The following MAF variants were observed in gnomAD, a reference collection of about 807,000 sequenced individuals.
MAF encodes MAF bZIP transcription factor.
MAF carries 10 observed loss-of-function variants against 22.0 expected under a neutral mutation model. The ratio of observed to expected loss-of-function variants is 0.45; its 90% confidence interval spans 0.28 to 0.77. MAF has a LOEUF of 0.77. Ranked by LOEUF, MAF falls within the 30% of genes least tolerant of loss-of-function variation. The pLI, the probability that MAF is intolerant of heterozygous loss-of-function variation, is 0.12. For missense variants in MAF, 544 were observed against 548.4 expected (o/e 0.99, Z 0.08); for synonymous variants, 337 against 255.8 (o/e 1.32, Z -3.03).
chr16:79,219,007 A>T, the MAF span, among the ~76,000 whole-genome samples: 1 of 152,324 alleles, frequency 6.6e-6, no homozygotes, highest in East Asian at 1.9e-4. Context: ...CAGCTGATGC[A>T]CCGTCTGCTT....
the MAF span, among the ~76,000 whole-genome samples, chr16:79,348,584 G>A: frequency 2.0e-5 from 3 of 152,194 alleles, no homozygotes; most frequent in Non-Finnish European, 4.4e-5. Context: ...AGGTAACTGA[G>A]AATTACTCTT....
the MAF span, among the ~76,000 whole-genome samples, chr16:79,246,426 C>T: frequency 1.3e-5 from 2 of 151,522 alleles, no homozygotes; most frequent in African/African-American, 4.9e-5. Context: ...ATTTCATGGG[C>T]CTTGATTCTG....
chr16:79,576,080 C>T, the MAF span, among the ~76,000 whole-genome samples: 2 of 152,072 alleles, frequency 1.3e-5, no homozygotes, highest in Non-Finnish European at 2.9e-5. Flanking sequence ...GGGTTACCCT[C>T]ATAAGGTTTT....
At chr16:79,584,447 T>C (rs749691126), downstream of MAF, among the ~76,000 whole-genome samples, 13 of 152,220 alleles carry the variant, frequency 8.5e-5, no homozygotes, top group Non-Finnish European at 1.6e-4. Flanking sequence ...TCTTCCTTGC[T>C]CTCACCTGTC....
the MAF span, among the ~76,000 whole-genome samples, chr16:79,535,074 G>A: frequency 5.3e-5 from 8 of 152,216 alleles, no homozygotes; most frequent in East Asian, 1.2e-3. Context: ...GACTTACTTA[G>A]GACAAAGTCA....
the MAF span, among the ~76,000 whole-genome samples, chr16:79,432,640 G>A: frequency 3.3e-5 from 5 of 152,146 alleles, no homozygotes; most frequent in African/African-American, 9.7e-5. Context: ...TTGGAAATAG[G>A]ACCTAGGATC....
chr16:79,582,325 A>T (rs900762968), downstream of MAF, among the ~76,000 whole-genome samples: 1 of 152,234 alleles, frequency 6.6e-6, no homozygotes, highest in South Asian at 2.1e-4. Context: ...GTGTGCTTTT[A>T]GAATGAAAGC....
chr16:79,280,627 T>C, the MAF span, among the ~76,000 whole-genome samples: 2 of 152,128 alleles, frequency 1.3e-5, no homozygotes, highest in Non-Finnish European at 2.9e-5. Flanking sequence ...AATAGATATT[T>C]CTTCTCTCTG....
chr16:79,543,194 GAT>G, the MAF span, among the ~76,000 whole-genome samples: 1 of 152,184 alleles, frequency 6.6e-6, no homozygotes, highest in East Asian at 1.9e-4. Context: ...CATTTAAAAG[GAT>G]AAGAGACAAA....
the MAF span, among the ~76,000 whole-genome samples, chr16:79,254,978 AGTAAAGCT>A: frequency 6.6e-6 from 1 of 152,302 alleles, no homozygotes; most frequent in Admixed American, 6.5e-5. Context: ...TGTGTTGCAA[AGTAAAGCT>A]GTAATATTTC....
the MAF span, among the ~76,000 whole-genome samples, chr16:79,229,970 C>G: frequency 6.6e-6 from 1 of 151,684 alleles, no homozygotes; most frequent in African/African-American, 2.4e-5. Context: ...TCAAAAGGGA[C>G]TCTTATCAAT....
At chr16:79,300,429 C>A in the MAF span, among the ~76,000 whole-genome samples, 1 of 152,106 alleles carries the variant, frequency 6.6e-6, no homozygotes, top group African/African-American at 2.4e-5. Context: ...GTGGTGCACA[C>A]ATGTAGTCCC....
chr16:79,485,026 A>T, the MAF span, among the ~76,000 whole-genome samples: 4 of 152,206 alleles, frequency 2.6e-5, no homozygotes, highest in African/African-American at 9.6e-5. Flanking sequence ...AAAAATGGAC[A>T]TCATGCTTCT....
the MAF span, among the ~76,000 whole-genome samples, chr16:79,556,911 G>C: frequency 1.3e-5 from 2 of 151,888 alleles, no homozygotes; most frequent in Admixed American, 1.3e-4. Flanking sequence ...TGATCAATAA[G>C]TACCAGCTTT....
chr16:79,576,646 C>G, the MAF span, among the ~76,000 whole-genome samples: 1 of 152,010 alleles, frequency 6.6e-6, no homozygotes, highest in African/African-American at 2.4e-5. Flanking sequence ...AGGGAAACGT[C>G]CAATATCATA....
At chr16:79,445,209 ATT>A in the MAF span, among the ~76,000 whole-genome samples, 66,727 of 145,094 alleles carry the variant, frequency 0.46, 17,389 homozygotes, top group Non-Finnish European at 0.58. Context: ...AATTTTTTGT[ATT>A]TTTTTTTTTT....
At chr16:79,321,329 G>T in the MAF span, among the ~76,000 whole-genome samples, 1 of 152,184 alleles carries the variant, frequency 6.6e-6, no homozygotes, top group Non-Finnish European at 1.5e-5. Context: ...TAGGGGAACC[G>T]CAAATACAAG....
the MAF span, among the ~76,000 whole-genome samples, chr16:79,251,719 T>G: frequency 2.0e-5 from 3 of 152,200 alleles, no homozygotes; most frequent in African/African-American, 7.2e-5. Flanking sequence ...GTGCAATCCC[T>G]GGGGTCACAA....
chr16:79,556,541 T>G, the MAF span, among the ~76,000 whole-genome samples: 1 of 152,310 alleles, frequency 6.6e-6, no homozygotes, highest in South Asian at 2.1e-4. Flanking sequence ...GTTAAAAGGA[T>G]TGGACCCAAG....
Sources: gnomAD v4.1 joint callset for allele counts (sites outside exome capture counted in the v4.1 genomes callset) on GRCh38, gnomAD v4.1.1 for gene constraint, MANE v1.5 for transcripts, NCBI Gene and HGNC (gene_info 2026-07-23, HGNC 2026-07-21) for gene names.